NALF1: variants seen among roughly 807,000 people sequenced by gnomAD.
The protein encoded by NALF1 is family with sequence similarity 155 member A.
A neutral mutation model predicts 48.4 loss-of-function variants in NALF1; 3 were observed. The observed-to-expected ratio is 0.06, with a 90% CI of 0.03 to 0.16. The LOEUF (loss-of-function observed/expected upper bound fraction) is 0.16, where lower values mean the gene tolerates loss of function less well. Among genes scored for constraint, NALF1 ranks in the 10% least tolerant of loss-of-function variants. The pLI, the probability that NALF1 is intolerant of heterozygous loss-of-function variation, is 1.00. For synonymous variants in NALF1, 262 were observed against 245.7 expected, an observed-to-expected ratio of 1.07 and a Z score of -0.62; for missense variants, 526 against 571.5, an observed-to-expected ratio of 0.92 and a Z score of 0.81.
At chr13:107,378,194 A>C (rs1883372547) in intron 1 of NALF1, among the ~76,000 whole-genome samples, 1 of 152,160 alleles carries the variant, frequency 6.6e-6, no homozygotes, top group Non-Finnish European at 1.5e-5. Context: ...GATGCTAGAG[A>C]GAATGATGAA....
intron 1 of NALF1, among the ~76,000 whole-genome samples, chr13:107,539,594 TAA>T (rs986611356): frequency 6.6e-6 from 1 of 152,134 alleles, no homozygotes; most frequent in Non-Finnish European, 1.5e-5. Flanking sequence ...TGGGGAGAAA[TAA>T]GAGATGTTTT....
chr13:107,185,849 T>A (rs1455308370), intron 2 of NALF1, among the ~76,000 whole-genome samples: 1 of 152,204 alleles, frequency 6.6e-6, no homozygotes. Context: ...CTTCAACACT[T>A]TGCTGAGCAG....
chr13:107,734,763 G>A (rs1876417643), intron 1 of NALF1, among the ~76,000 whole-genome samples: 1 of 151,888 alleles, frequency 6.6e-6, no homozygotes, highest in Non-Finnish European at 1.5e-5. Context: ...CACATAATGG[G>A]CTCCCATTAA....
At chr13:107,480,653 C>T (rs1045832689) in intron 1 of NALF1, among the ~76,000 whole-genome samples, 1 of 152,138 alleles carries the variant, frequency 6.6e-6, no homozygotes, top group African/African-American at 2.4e-5. Context: ...GGGCCTCATT[C>T]AAATCTGTCC....
chr13:107,552,707 T>C (rs1306302497), intron 1 of NALF1, among the ~76,000 whole-genome samples: 2 of 152,156 alleles, frequency 1.3e-5, no homozygotes, highest in African/African-American at 2.4e-5. Flanking sequence ...ATTCGGACTT[T>C]ATTATAAAAG....
At chr13:107,480,730 T>C (rs1885242276) in intron 1 of NALF1, among the ~76,000 whole-genome samples, 1 of 152,214 alleles carries the variant, frequency 6.6e-6, no homozygotes, top group Admixed American at 6.5e-5. Context: ...AATCTGTTTA[T>C]ACTAAAGAAC....
At chr13:107,579,300 A>C (rs1028820138) in intron 1 of NALF1, among the ~76,000 whole-genome samples, 1 of 152,152 alleles carries the variant, frequency 6.6e-6, no homozygotes, top group East Asian at 1.9e-4. Context: ...CATGTTGGCA[A>C]GACCGGTCTT....
Position 107,236,671 on chromosome 13 carries a change from G to GTCTATCTA in NALF1, c.916-25924_916-25917dup, listed in dbSNP as rs72391192. Among the ~76,000 whole-genome samples, 527 of 140,702 alleles carry GTCTATCTA rather than the reference G, an allele frequency of 3.7e-3. 5 individuals are homozygous for GTCTATCTA. The highest frequency in any genetic ancestry group is 7.1e-3 in the Middle Eastern group (2 of 280). 92.3% of individuals were successfully genotyped at this position (140,702 alleles called of 152,430 possible). The stretch of plus-strand genomic sequence containing the variant: ...GCACTATCTATCTATCCATCTGTCT[G>GTCTATCTA]TCTATCTATCTATCTATCTATCTAT... On this transcript the variant is annotated intron_variant, in intron 1 of 2. Coordinates refer to ENST00000375915, the MANE Select transcript of NALF1 (RefSeq NM_001080396.3).
chr13:107,265,697 T>G (rs1055500481), intron 1 of NALF1, among the ~76,000 whole-genome samples: 1 of 152,116 alleles, frequency 6.6e-6, no homozygotes, highest in Non-Finnish European at 1.5e-5. Flanking sequence ...TGAGCCACCA[T>G]GCCTGGCCTA....
At chr13:107,243,411 T>C (rs1284554882) in intron 1 of NALF1, among the ~76,000 whole-genome samples, 1 of 152,180 alleles carries the variant, frequency 6.6e-6, no homozygotes, top group Non-Finnish European at 1.5e-5. Context: ...CATTGTTCCC[T>C]GGCACAGCTG....
At chr13:107,223,427 C>T (rs1216602094) in intron 1 of NALF1, among the ~76,000 whole-genome samples, 4 of 152,024 alleles carry the variant, frequency 2.6e-5, no homozygotes, top group African/African-American at 7.2e-5. Context: ...TGCCATGTTT[C>T]TGTATTTCCT....
At chr13:107,660,240 C>T (rs935526327) in intron 1 of NALF1, among the ~76,000 whole-genome samples, 1 of 151,690 alleles carries the variant, frequency 6.6e-6, no homozygotes, top group Non-Finnish European at 1.5e-5. Context: ...GAGATCAAGA[C>T]CATCCTGGCC....
intron 1 of NALF1, among the ~76,000 whole-genome samples, chr13:107,789,289 T>G (rs1878163071): frequency 6.6e-6 from 1 of 152,344 alleles, no homozygotes; most frequent in South Asian, 2.1e-4. Flanking sequence ...CTCCACAGTT[T>G]AATTACAACA....
chr13:107,373,489 GAT>G, intron 1 of NALF1, among the ~76,000 whole-genome samples: 1 of 152,076 alleles, frequency 6.6e-6, no homozygotes, highest in East Asian at 1.9e-4. Context: ...CAGTCCCTGG[GAT>G]CACTTTGCCT....
chr13:107,413,817 C>T (rs1231421592), intron 1 of NALF1, among the ~76,000 whole-genome samples: 1 of 152,128 alleles, frequency 6.6e-6, no homozygotes, highest in Non-Finnish European at 1.5e-5. Context: ...GATGGAGTCT[C>T]TCTCTGTTGC....
At chr13:107,432,589 G>A (rs1884400581) in intron 1 of NALF1, among the ~76,000 whole-genome samples, 1 of 152,098 alleles carries the variant, frequency 6.6e-6, no homozygotes, top group Non-Finnish European at 1.5e-5. Context: ...TGCTACGAAT[G>A]AGTGACTGTG....
At chr13:107,258,048 T>C (rs922809870) in intron 1 of NALF1, among the ~76,000 whole-genome samples, 3 of 152,184 alleles carry the variant, frequency 2.0e-5, no homozygotes, top group Admixed American at 6.5e-5. Flanking sequence ...CCAGTTCATA[T>C]TGAATGGGAG....
chr13:107,586,166 T>C (rs867154737), intron 1 of NALF1, among the ~76,000 whole-genome samples: 1 of 152,080 alleles, frequency 6.6e-6, no homozygotes, highest in South Asian at 2.1e-4. Context: ...GTGGCACCCT[T>C]GGAAAAGTGC....
chr13:107,346,491 G>A (rs1882775381), intron 1 of NALF1, among the ~76,000 whole-genome samples: 1 of 152,162 alleles, frequency 6.6e-6, no homozygotes, highest in Non-Finnish European at 1.5e-5. Context: ...AAACCTTGAG[G>A]AGATTATGCT....
Sources: allele counts gnomAD v4.1 joint callset (sites outside exome capture counted in the v4.1 genomes callset), GRCh38; gene constraint gnomAD v4.1.1; transcripts MANE v1.5; gene names NCBI Gene and HGNC (gene_info 2026-07-23, HGNC 2026-07-21).